The following FNDC3B variants were observed in gnomAD, a reference collection of about 807,000 sequenced individuals.
The protein encoded by FNDC3B is fibronectin type III domain containing 3B.
Under a neutral mutation model 151.5 loss-of-function variants are expected in FNDC3B, and 12 were observed. That is an observed-to-expected ratio of 0.08 (90% CI 0.05 to 0.13). The LOEUF (loss-of-function observed/expected upper bound fraction) is 0.13, where lower values mean the gene tolerates loss of function less well. FNDC3B is among the 10% of genes least tolerant of loss of function. The pLI is 1.00. For synonymous variants in FNDC3B, 528 were observed against 549.0 expected (o/e 0.96, Z 0.54); for missense variants, 1,214 against 1,505.3 (o/e 0.81, Z 3.20).
At chr3:172,128,052 G>A (rs1050212559) in intron 2 of FNDC3B, among the ~76,000 whole-genome samples, 3 of 152,192 alleles carry the variant, frequency 2.0e-5, no homozygotes, top group Admixed American at 2.0e-4. Context: ...TGCATAGTAA[G>A]AGTCCTAAAG....
intron 4 of FNDC3B, among the ~76,000 whole-genome samples, chr3:172,229,397 C>A (rs1227738581): frequency 6.6e-6 from 1 of 152,176 alleles, no homozygotes; most frequent in Non-Finnish European, 1.5e-5. Flanking sequence ...AATTTCTGTT[C>A]CCTAGATACC....
chr3:172,278,364 C>T (rs1729538667), intron 6 of FNDC3B, among the ~76,000 whole-genome samples: 1 of 152,100 alleles, frequency 6.6e-6, no homozygotes, highest in South Asian at 2.1e-4. Flanking sequence ...GTTGTTCTAT[C>T]CTGTGTTTAA....
Position 172,134,624 on chromosome 3 carries a change from CT to C in FNDC3B, c.187+1087del, listed in dbSNP as rs201243506. On this transcript the variant is annotated intron_variant, in intron 3 of 25. Coordinates refer to ENST00000415807, the MANE Select transcript of FNDC3B (RefSeq NM_022763.4). ...TAATAGTAGAGCATGTTGCTTTGTA[CT>C]TTTTTTTTGTATCTATAAGAACAAA... Among the ~76,000 whole-genome samples, 444 of 150,616 alleles carry C rather than the reference CT, an allele frequency of 2.9e-3. 4 individuals are homozygous for C. The highest frequency in any genetic ancestry group is 0.01 in the African/African-American group (415 of 41,066).
chr3:172,186,685 C>A, intron 3 of FNDC3B: 1 of 697,682 alleles, frequency 1.4e-6, no homozygotes, highest in Non-Finnish European at 2.6e-6. Flanking sequence ...TAGTACCTCC[C>A]TATCTTGATT....
At chr3:172,155,259 G>A (rs544284323) in intron 3 of FNDC3B, among the ~76,000 whole-genome samples, 6 of 152,296 alleles carry the variant, frequency 3.9e-5, no homozygotes, top group South Asian at 2.1e-4. Context: ...AGTCCCTCTC[G>A]TGGAGGATTC....
chr3:172,128,959 CTCT>C (rs1483969757), intron 2 of FNDC3B, among the ~76,000 whole-genome samples: 1 of 152,108 alleles, frequency 6.6e-6, no homozygotes, highest in Non-Finnish European at 1.5e-5. Flanking sequence ...TCAGTTGGTA[CTCT>C]TCTCCCAGGA....
In FNDC3B at chr3:172,356,377, A is replaced by G. The variant is rs114098680; in HGVS notation, c.2795+3294A>G. 2.0e-3 allele frequency among the ~76,000 whole-genome samples: 305 copies of G among 152,370 alleles called. 1 individual carries two copies. Among genetic ancestry groups the G allele is most frequent in the African/African-American group, 7.1e-3 (297 of 41,570 alleles). ...AACAGAGTTGTTGGGTATTTTGATAAGAGGTCAGGTACCTAGTATGGGGCC... is the reference window on the plus strand; with the variant it reads ...AACAGAGTTGTTGGGTATTTTGATAGGAGGTCAGGTACCTAGTATGGGGCC... On this transcript the variant is annotated intron_variant, in intron 22 of 25. Coordinates refer to ENST00000415807, the MANE Select transcript of FNDC3B (RefSeq NM_022763.4).
At chr3:172,243,002 C>G (rs1727578553) in intron 4 of FNDC3B, among the ~76,000 whole-genome samples, 1 of 152,104 alleles carries the variant, frequency 6.6e-6, no homozygotes, top group Admixed American at 6.6e-5. Flanking sequence ...GTTCAAAGTC[C>G]CACAAATCTC....
intron 1 of FNDC3B, among the ~76,000 whole-genome samples, chr3:172,072,586 A>G (rs1195859098): frequency 1.3e-5 from 2 of 152,184 alleles, no homozygotes; most frequent in African/African-American, 2.4e-5. Flanking sequence ...CTTTGTAGCC[A>G]AGCAAAAACT....
chr3:172,156,885 C>G (rs571199858), intron 3 of FNDC3B, among the ~76,000 whole-genome samples: 1 of 152,122 alleles, frequency 6.6e-6, no homozygotes, highest in Admixed American at 6.5e-5. Flanking sequence ...TACGGACTAT[C>G]AGAAGTTTAC....
At chr3:172,108,068 T>G (rs1719749990) in intron 1 of FNDC3B, among the ~76,000 whole-genome samples, 1 of 151,802 alleles carries the variant, frequency 6.6e-6, no homozygotes, top group African/African-American at 2.4e-5. Flanking sequence ...CTCGGGAGGC[T>G]GAGGCAGGAG....
intron 1 of FNDC3B, among the ~76,000 whole-genome samples, chr3:172,078,765 C>T (rs1718142479): frequency 6.6e-6 from 1 of 152,144 alleles, no homozygotes; most frequent in South Asian, 2.1e-4. Context: ...CCGCTGCCAC[C>T]CAGGTGTCTT....
intron 6 of FNDC3B, among the ~76,000 whole-genome samples, chr3:172,277,039 T>C (rs1184041271): frequency 2.0e-5 from 3 of 152,216 alleles, no homozygotes; most frequent in Non-Finnish European, 4.4e-5. Flanking sequence ...TTTGTTTATG[T>C]AGGAGAAGCT....
At chr3:172,204,985 G>A (rs1452696797) in intron 3 of FNDC3B, among the ~76,000 whole-genome samples, 1 of 152,220 alleles carries the variant, frequency 6.6e-6, no homozygotes, top group Non-Finnish European at 1.5e-5. Flanking sequence ...CATTGTAGTG[G>A]AAATGGAGAG....
intron 11 of FNDC3B, 132 bp from the exon 12 acceptor site, chr3:172,328,820 A>T: frequency 1.6e-6 from 1 of 644,946 alleles, no homozygotes; most frequent in African/African-American, 1.9e-5. Context: ...GTAAGTTTCT[A>T]TTGTTTTTGT....
chr3:172,202,491 C>G (rs926821749), intron 3 of FNDC3B, among the ~76,000 whole-genome samples: 5 of 152,164 alleles, frequency 3.3e-5, no homozygotes, highest in African/African-American at 9.7e-5. Context: ...CCTCCCGTCC[C>G]CTGTTAGATA....
chr3:172,359,309 C>G (rs1348108788), intron 22 of FNDC3B, among the ~76,000 whole-genome samples: 1 of 152,018 alleles, frequency 6.6e-6, no homozygotes, highest in Admixed American at 6.5e-5. Context: ...TTAAGGAACT[C>G]ATTACCTCAT....
At chr3:172,238,105 A>G (rs1727264184) in intron 4 of FNDC3B, among the ~76,000 whole-genome samples, 1 of 152,220 alleles carries the variant, frequency 6.6e-6, no homozygotes, top group African/African-American at 2.4e-5. Context: ...CACACTTTTA[A>G]TCTTTAGATT....
intron 4 of FNDC3B, among the ~76,000 whole-genome samples, chr3:172,241,326 G>T (rs1177807131): frequency 6.6e-6 from 1 of 151,750 alleles, no homozygotes; most frequent in Admixed American, 6.5e-5. Context: ...CTAGAGGTTG[G>T]AAGTCCAAGA....
Sources: allele counts gnomAD v4.1 joint callset (sites outside exome capture counted in the v4.1 genomes callset), GRCh38; gene constraint gnomAD v4.1.1; transcripts MANE v1.5; gene names NCBI Gene and HGNC (gene_info 2026-07-23, HGNC 2026-07-21).